The following UNC13C variants were observed in gnomAD, a reference collection of about 807,000 sequenced individuals.
UNC13C encodes unc-13 homolog C, also known as protein unc-13 homolog C.
Under a neutral mutation model 245.4 loss-of-function variants are expected in UNC13C, and 174 were observed. The ratio of observed to expected loss-of-function variants is 0.71; its 90% CI spans 0.63 to 0.80. UNC13C has a LOEUF of 0.80. Among genes scored for constraint, UNC13C ranks in the 30% least tolerant of loss-of-function variants. The probability of loss-of-function intolerance (pLI) is 0.00; values close to 1 mark genes in which losing one functional copy is unlikely to be tolerated. For missense variants in UNC13C, 2,829 were observed against 2,602.9 expected, an observed-to-expected ratio of 1.09 and a Z score of -1.89; for synonymous variants, 992 against 895.1, an observed-to-expected ratio of 1.11 and a Z score of -1.93.
intron 13 of UNC13C, among the ~76,000 whole-genome samples, chr15:54,314,737 G>C (rs2037966506): frequency 1.3e-5 from 2 of 151,734 alleles, no homozygotes; most frequent in Admixed American, 1.3e-4. Flanking sequence ...GTGTTTTCAT[G>C]CTGTTCATGA....
chr15:54,566,260 C>T (rs562748245), intron 29 of UNC13C, among the ~76,000 whole-genome samples: 102 of 152,078 alleles, frequency 6.7e-4, no homozygotes, highest in African/African-American at 2.4e-3. Context: ...ATCTTTTTTC[C>T]ATCCTTAAAT....
chr15:54,623,762 G>C, intron 31 of UNC13C, 33 bp from the exon 32 acceptor site: 1 of 1,584,728 alleles, frequency 6.3e-7, no homozygotes, highest in Non-Finnish European at 8.6e-7. Context: ...CCACACATCT[G>C]TTTGCTAAAA....
At chr15:54,349,138 T>C (rs1319423860) in intron 17 of UNC13C, among the ~76,000 whole-genome samples, 1 of 148,754 alleles carries the variant, frequency 6.7e-6, no homozygotes. Context: ...AAAATATCAT[T>C]TGATATTATA....
chr15:54,127,693 C>T (rs919361023), intron 2 of UNC13C, among the ~76,000 whole-genome samples: 3 of 147,264 alleles, frequency 2.0e-5, no homozygotes, highest in African/African-American at 7.5e-5. Flanking sequence ...TATCCCAGAA[C>T]TTCAAGTGTG....
At chr15:54,230,823 C>T (rs983165397) in intron 4 of UNC13C, among the ~76,000 whole-genome samples, 3 of 151,852 alleles carry the variant, frequency 2.0e-5, no homozygotes, top group African/African-American at 7.3e-5. Context: ...GCCCACATTG[C>T]CTACCTATAT....
the UNC13C span, among the ~76,000 whole-genome samples, chr15:53,930,244 C>T: frequency 6.6e-6 from 1 of 152,166 alleles, no homozygotes; most frequent in South Asian, 2.1e-4. Flanking sequence ...CATAGCACGA[C>T]AGTTGAGCTC....
intron 1 of UNC13C, among the ~76,000 whole-genome samples, chr15:53,980,736 A>G (rs115034741): frequency 6.6e-6 from 1 of 152,242 alleles, no homozygotes; most frequent in South Asian, 2.1e-4. Flanking sequence ...CATCATCACT[A>G]TGTGCTAGGT....
At position 54,427,533 on chromosome 15, in the gene UNC13C, C is replaced by CA. The variant is rs528399521; in HGVS notation, c.4933+12473dup. ...ATTATTTTTCTGATTTAAAAACTTA[C>CA]AAAAAAATTGAAAAATACAAAGCAC... On this transcript the variant is annotated intron_variant, in intron 19 of 32. Transcript: ENST00000260323. Among the ~76,000 whole-genome samples, 9 of 151,644 alleles carry CA rather than the reference C, an allele frequency of 5.9e-5. No individual in the cohort carries two copies. The South Asian group carries it at 1.5e-3, about 24-fold the overall frequency.
intron 19 of UNC13C, among the ~76,000 whole-genome samples, chr15:54,447,978 T>G (rs192137946): frequency 2.7e-4 from 41 of 152,354 alleles, no homozygotes; most frequent in South Asian, 2.3e-3. Context: ...GTTGTGTCTT[T>G]GTTCTCATTG....
chr15:54,141,736 AT>A lies in UNC13C; in HGVS notation c.2984-1278del, dbSNP rs571456894. 4.2e-3 allele frequency among the ~76,000 whole-genome samples: 640 copies of A among 152,124 alleles called. 1 individual carries two copies. The highest frequency in any genetic ancestry group is 0.015 in the African/African-American group (621 of 41,546). Reference sequence around the variant, plus strand: ...CTAAATTTTATTTATTTTATATAGTATTTTAAAATAATTATGGCCATAAATA... The same window carrying A: ...CTAAATTTTATTTATTTTATATAGTATTTAAAATAATTATGGCCATAAATA... On this transcript the variant is annotated intron_variant, in intron 2 of 32. Transcript: ENST00000260323.
chr15:54,406,622 A>G (rs2040298512), intron 18 of UNC13C, among the ~76,000 whole-genome samples: 1 of 152,214 alleles, frequency 6.6e-6, no homozygotes, highest in Non-Finnish European at 1.5e-5. Flanking sequence ...ACTACAAAGC[A>G]AACATCAATA....
chr15:54,491,351 A>G (rs1240274547), intron 19 of UNC13C, among the ~76,000 whole-genome samples: 2 of 150,810 alleles, frequency 1.3e-5, no homozygotes, highest in Non-Finnish European at 3.0e-5. Flanking sequence ...CTAACTTCCT[A>G]CCAAAGGAAA....
rs2038172565 is a variant in UNC13C at position 54,321,954 on chromosome 15, G to C, written c.4284G>C (p.Leu1428=). 2.5e-6 allele frequency: 4 copies of C among 1,575,946 alleles called. No homozygotes were observed. The highest frequency in any genetic ancestry group is 3.4e-6 in the Non-Finnish European group (4 of 1,159,912). The change falls in exon 14 of 33, where the codon CTG becomes CTC. Residue 1428 remains leucine (L), a synonymous_variant. Coordinates refer to ENST00000260323, the MANE Select transcript of UNC13C (RefSeq NM_001080534.3). The part of the protein sequence containing the change: ...IYQAMTHFSC[L]SSKYMCPGVP... ...TGTCTTTCAGGCACTTTTCATGTCT[G>C]TCTTCTAAATACATGTGCCCCGGTG... is the stretch of plus-strand genomic sequence containing the variant.
intron 2 of UNC13C, among the ~76,000 whole-genome samples, chr15:54,016,576 T>A (rs1186936257): frequency 6.6e-6 from 1 of 152,164 alleles, no homozygotes; most frequent in Non-Finnish European, 1.5e-5. Context: ...AAGTCCCTTC[T>A]CCACCATGGA....
intron 6 of UNC13C, among the ~76,000 whole-genome samples, chr15:54,237,086 A>G (rs1045206899): frequency 6.6e-6 from 1 of 152,184 alleles, no homozygotes; most frequent in Non-Finnish European, 1.5e-5. Context: ...AGTGAAGAAA[A>G]TGAATCTGGA....
At chr15:53,896,601 A>G in the UNC13C span, among the ~76,000 whole-genome samples, 5 of 152,056 alleles carry the variant, frequency 3.3e-5, no homozygotes, top group Non-Finnish European at 4.4e-5. Flanking sequence ...CTAGATACTT[A>G]CTTAATTTCC....
At chr15:54,495,264 G>C (rs1166939891) in intron 20 of UNC13C, among the ~76,000 whole-genome samples, 2 of 151,946 alleles carry the variant, frequency 1.3e-5, no homozygotes, top group Non-Finnish European at 2.9e-5. Flanking sequence ...TATTGATGGG[G>C]TCTTCCCTAT....
At chr15:54,618,245 C>T (rs1026027824) in intron 30 of UNC13C, among the ~76,000 whole-genome samples, 5 of 152,100 alleles carry the variant, frequency 3.3e-5, no homozygotes, top group Admixed American at 2.6e-4. Context: ...AGACAATGAG[C>T]TCTTTGAGCT....
intron 10 of UNC13C, among the ~76,000 whole-genome samples, chr15:54,292,071 G>A (rs2140933719): frequency 6.6e-6 from 1 of 152,058 alleles, no homozygotes; most frequent in East Asian, 1.9e-4. Context: ...AATACTTTGT[G>A]TAGTTTCGAC....
Sources: gnomAD v4.1 joint callset for allele counts (sites outside exome capture counted in the v4.1 genomes callset) on GRCh38, gnomAD v4.1.1 for gene constraint, MANE v1.5 for transcripts, NCBI Gene and HGNC (gene_info 2026-07-23, HGNC 2026-07-21) for gene names.